Variants in GABRA1 observed in about 807,000 individuals in gnomAD.
The protein encoded by GABRA1 is gamma-aminobutyric acid type A receptor subunit alpha1.
Under a neutral mutation model 48.9 loss-of-function variants are expected in GABRA1, and 9 were observed. The ratio of observed to expected loss-of-function variants is 0.18; its 90% CI spans 0.11 to 0.32. The LOEUF (loss-of-function observed/expected upper bound fraction) is 0.32, where lower values mean the gene tolerates loss of function less well. Among genes scored for constraint, GABRA1 ranks in the 10% least tolerant of loss-of-function variants. The probability of loss-of-function intolerance (pLI) is 1.00; values close to 1 mark genes in which losing one functional copy is unlikely to be tolerated. For synonymous variants in GABRA1, 210 were observed against 198.7 expected (o/e 1.06, Z -0.48); for missense variants, 285 against 553.8 (o/e 0.51, Z 4.87).
At chr5:161,853,002 A>C (rs571126309) in intron 2 of GABRA1, among the ~76,000 whole-genome samples, 191 of 152,040 alleles carry the variant, frequency 1.3e-3, no homozygotes, top group Middle Eastern at 3.4e-3. Flanking sequence ...AAAGTATATT[A>C]AGTAGAAAAT....
intron 7 of GABRA1, among the ~76,000 whole-genome samples, chr5:161,887,292 G>A (rs946010689): frequency 1.3e-5 from 2 of 152,078 alleles, no homozygotes; most frequent in Non-Finnish European, 2.9e-5. Context: ...TGACCCAGAA[G>A]GGTCAAGATA....
chr5:161,862,903 C>T (rs1437032373), intron 3 of GABRA1, among the ~76,000 whole-genome samples: 2 of 151,874 alleles, frequency 1.3e-5, no homozygotes, highest in African/African-American at 4.8e-5. Context: ...CACCTAAAAT[C>T]ACATAGCTTG....
Position 161,895,808 on chromosome 5 carries a change from A to C in GABRA1, c.999A>C (p.Thr333=). Residue 333 remains threonine (T), a synonymous_variant, in exon 9 of 10, where the codon ACA becomes ACC. Coordinates refer to ENST00000393943, the MANE Select transcript of GABRA1 (RefSeq NM_001127644.2). ...TCTCAGCTCTGATTGAGTTTGCCACAGTAAACTATTTCACTAAGAGAGGTT... is the reference window on the plus strand; with the variant it reads ...TCTCAGCTCTGATTGAGTTTGCCACCGTAAACTATTTCACTAAGAGAGGTT... ...FVFSALIEFA[T]VNYFTKRGYA... The C allele has an allele frequency of 6.2e-7, 1 of 1,614,078 alleles. No individual in the cohort carries two copies. The highest frequency in any genetic ancestry group is 8.5e-7 in the Non-Finnish European group (1 of 1,179,962).
intron 4 of GABRA1, among the ~76,000 whole-genome samples, chr5:161,867,271 A>G (rs937869128): frequency 6.6e-6 from 1 of 152,132 alleles, no homozygotes; most frequent in Non-Finnish European, 1.5e-5. Context: ...TGGTACTTTT[A>G]TAGTTAAGAA....
Position 161,890,826 on chromosome 5 carries a change from C to G in GABRA1, c.704-72C>G. The G allele has an allele frequency of 2.9e-6, 4 of 1,366,084 alleles. No homozygotes were observed. In the Admixed American group the frequency reaches 5.0e-5, roughly 17 times the overall value. The allele number at this position is 1,366,084 out of a possible 1,614,324, so 84.6% of individuals were successfully genotyped here. On this transcript the variant is annotated intron_variant, in intron 7 of 9. Coordinates refer to ENST00000393943, the MANE Select transcript of GABRA1 (RefSeq NM_001127644.2). ...GTCTAATTCCCAGACCTTTGGTACT[C>G]ATAGTAAACCTCAGAGATTACCTTT...
chr5:161,897,102 T>C lies in GABRA1; in HGVS notation c.1060-9T>C. On this transcript the variant is annotated splice_polypyrimidine_tract_variant and intron_variant, in intron 9 of 9. Coordinates refer to ENST00000393943, the MANE Select transcript of GABRA1 (RefSeq NM_001127644.2). ...ACTAAACAAAATGCATTGCTCTTTC[T>C]TTCTACAGCCAAAGAAAGTAAAGGA... The C allele has an allele frequency of 6.2e-7, 1 of 1,613,904 alleles. No individual in the cohort carries two copies. Among genetic ancestry groups the C allele is most frequent in the Non-Finnish European group, 8.5e-7 (1 of 1,179,832 alleles).
chr5:161,879,704 G>A (rs952586309), intron 6 of GABRA1, among the ~76,000 whole-genome samples: 1 of 152,134 alleles, frequency 6.6e-6, no homozygotes, highest in African/African-American at 2.4e-5. Context: ...CTCATGGAGA[G>A]ACATGGATAA....
At position 161,848,255 on chromosome 5, in the gene GABRA1, C is replaced by T. The variant is rs2113280014; in HGVS notation, c.-183C>T. On this transcript the variant is annotated 5_prime_UTR_variant, in exon 1 of 10. Transcript: ENST00000393943. ...TCTTCAGCAAAGGAGCACGCAGAGTCCATGATGGCTCAGACCAAGTGAGTG... is the reference window on the plus strand; with the variant it reads ...TCTTCAGCAAAGGAGCACGCAGAGTTCATGATGGCTCAGACCAAGTGAGTG... The T allele has an allele frequency of 6.6e-6, 1 of 152,270 alleles. No individual in the cohort carries two copies. Among genetic ancestry groups the T allele is most frequent in the Non-Finnish European group, 1.5e-5 (1 of 68,112 alleles). The allele number at this position is 152,270 out of a possible 1,614,324, so 9.4% of individuals were successfully genotyped here.
chr5:161,864,695 CTT>C (rs1757985303), intron 3 of GABRA1, among the ~76,000 whole-genome samples: 1 of 151,692 alleles, frequency 6.6e-6, no homozygotes, highest in African/African-American at 2.4e-5. Context: ...TTTAGCAAGA[CTT>C]ATTAACTCTT....
At chr5:161,890,092 T>A (rs1172313509) in intron 7 of GABRA1, among the ~76,000 whole-genome samples, 1 of 152,030 alleles carries the variant, frequency 6.6e-6, no homozygotes, top group African/African-American at 2.4e-5. Flanking sequence ...AAGACTCTCC[T>A]GCAATTTGGG....
intron 6 of GABRA1, 136 bp from the exon 7 acceptor site, chr5:161,882,422 G>A: frequency 1.3e-6 from 1 of 779,584 alleles, no homozygotes. Context: ...TGTAAATTAA[G>A]GGACATAAGC....
chr5:161,871,219 T>A (rs1477608607), intron 4 of GABRA1, among the ~76,000 whole-genome samples: 1 of 152,132 alleles, frequency 6.6e-6, no homozygotes, highest in Non-Finnish European at 1.5e-5. Context: ...ACATTTATTT[T>A]ATTTTCATAA....
chr5:161,893,984 T>C (rs1217136802), intron 8 of GABRA1, among the ~76,000 whole-genome samples: 1 of 152,198 alleles, frequency 6.6e-6, no homozygotes, highest in East Asian at 1.9e-4. Flanking sequence ...TGGACACATT[T>C]GGTTTAAAAA....
At chr5:161,865,935 A>C in intron 4 of GABRA1, 147 bp downstream of exon 4, 1 of 638,970 alleles carries the variant, frequency 1.6e-6, no homozygotes, top group South Asian at 1.8e-5. Flanking sequence ...GTAATATGTA[A>C]TATAATATTT....
At chr5:161,876,703 C>T (rs1288890192) in intron 6 of GABRA1, among the ~76,000 whole-genome samples, 4 of 152,138 alleles carry the variant, frequency 2.6e-5, no homozygotes, top group African/African-American at 9.7e-5. Context: ...TCCCTTCTCC[C>T]TGCTTTTTTC....
chr5:161,873,219 A>T lies in GABRA1; in HGVS notation c.358A>T (p.Lys120Ter). 1 of 1,613,944 alleles carries T rather than the reference A, an allele frequency of 6.2e-7. No individual in the cohort carries two copies. The highest frequency in any genetic ancestry group is 8.5e-7 in the Non-Finnish European group (1 of 1,179,844). ...CCGGTTAAATAACCTAATGGCAAGTAAAATCTGGACTCCGGACACATTTTT... is the reference window on the plus strand; with the variant it reads ...CCGGTTAAATAACCTAATGGCAAGTTAAATCTGGACTCCGGACACATTTTT... ...VLRLNNLMAS[K>*]IWTPDTFFHN... Residue 120 changes from lysine (K) to a stop codon, truncating the protein, a stop_gained, in exon 5 of 10, where the codon AAA becomes TAA. Coordinates refer to ENST00000393943, the MANE Select transcript of GABRA1 (RefSeq NM_001127644.2). LOFTEE classifies it high-confidence loss of function.
At chr5:161,866,005 C>A (rs1382157532) in intron 4 of GABRA1, among the ~76,000 whole-genome samples, 1 of 151,842 alleles carries the variant, frequency 6.6e-6, no homozygotes, top group Non-Finnish European at 1.5e-5. Flanking sequence ...GATTTTCAAC[C>A]ACTGCAGTCA....
chr5:161,892,522 C>T (rs1755139552), intron 8 of GABRA1, among the ~76,000 whole-genome samples: 1 of 152,166 alleles, frequency 6.6e-6, no homozygotes. Context: ...AGAATAATTG[C>T]AGCTGCAGAA....
intron 6 of GABRA1, among the ~76,000 whole-genome samples, chr5:161,878,072 A>G (rs1020133506): frequency 2.6e-5 from 4 of 152,210 alleles, no homozygotes; most frequent in Admixed American, 6.5e-5. Flanking sequence ...TCACGAGAGA[A>G]GGACATACTT....
Sources: allele counts gnomAD v4.1 joint callset (sites outside exome capture counted in the v4.1 genomes callset), GRCh38; gene constraint gnomAD v4.1.1; transcripts MANE v1.5; gene names NCBI Gene and HGNC (gene_info 2026-07-23, HGNC 2026-07-21).